The following LIN9 variants were observed in gnomAD, a reference collection of about 807,000 sequenced individuals.
LIN9 encodes the protein lin-9 DREAM MuvB core complex component.
Under a neutral mutation model 78.0 loss-of-function variants are expected in LIN9, and 18 were observed. The observed-to-expected ratio is 0.23, with a 90% CI of 0.16 to 0.34. The LOEUF is 0.34. LIN9 is among the 10% of genes least tolerant of loss of function. The probability of loss-of-function intolerance (pLI) is 1.00; values close to 1 mark genes in which losing one functional copy is unlikely to be tolerated. For missense variants in LIN9, 451 were observed against 644.1 expected (o/e 0.70, Z 3.25); for synonymous variants, 192 against 215.2 (o/e 0.89, Z 0.94).
chr1:226,277,411 GCA>G (rs1660737603), intron 7 of LIN9, among the ~76,000 whole-genome samples: 1 of 152,174 alleles, frequency 6.6e-6, no homozygotes, highest in South Asian at 2.1e-4. Context: ...ATAGTAAATT[GCA>G]CAGAGCTACA....
intron 2 of LIN9, among the ~76,000 whole-genome samples, chr1:226,299,928 T>TC (rs1447715520): frequency 2.7e-5 from 4 of 147,142 alleles, no homozygotes; most frequent in Non-Finnish European, 6.0e-5. Context: ...GCAAGATTCT[T>TC]TTTTTTTTTT....
chr1:226,238,903 A>G (rs559168559), intron 12 of LIN9, 68 bp downstream of exon 12: 7 of 1,500,994 alleles, frequency 4.7e-6, no homozygotes, highest in East Asian at 4.6e-5. Context: ...TGGATTTTCT[A>G]AAGTGTGAAA....
chr1:226,308,957 G>C (rs1184384798), intron 1 of LIN9, 152 bp downstream of exon 1: 9 of 655,472 alleles, frequency 1.4e-5, no homozygotes, highest in African/African-American at 1.9e-5. Context: ...CGACGCGGCG[G>C]CAACACCGGA....
At chr1:226,276,914 T>G (rs888952092) in intron 7 of LIN9, among the ~76,000 whole-genome samples, 2 of 152,148 alleles carry the variant, frequency 1.3e-5, no homozygotes, top group Non-Finnish European at 2.9e-5. Flanking sequence ...TAATTTAGTT[T>G]TATTCAATCA....
chr1:226,238,891 T>G (rs1576274458), intron 12 of LIN9, 80 bp downstream of exon 12: 1 of 1,402,040 alleles, frequency 7.1e-7, no homozygotes, highest in Non-Finnish European at 9.8e-7. Flanking sequence ...ATTGGCTTGG[T>G]ATGGATTTTC....
intron 11 of LIN9, among the ~76,000 whole-genome samples, chr1:226,250,244 A>C (rs1032568377): frequency 6.6e-6 from 1 of 152,148 alleles, no homozygotes; most frequent in Non-Finnish European, 1.5e-5. Flanking sequence ...CTCATTAGAT[A>C]ATAAATTAGG....
At chr1:226,278,896 T>C (rs938919866) in intron 6 of LIN9, among the ~76,000 whole-genome samples, 1 of 137,184 alleles carries the variant, frequency 7.3e-6, no homozygotes, top group Non-Finnish European at 1.5e-5. Flanking sequence ...CCGAGGCGGG[T>C]AGATATCGAG....
At position 226,275,687 on chromosome 1, in the gene LIN9, G is replaced by A. The variant is rs1426645946; in HGVS notation, c.682+2088C>T. On this transcript the variant is annotated intron_variant, in intron 7 of 14. Transcript: ENST00000681046. ...CAGCCTGGCAACAGAGCAAGACTCC[G>A]TCTCAGAAAAAAAAAAAAAAAAAAA... Among the ~76,000 whole-genome samples the A allele has an allele frequency of 7.8e-5, 8 of 102,512 alleles. No homozygotes were observed. In the East Asian group the frequency reaches 1.2e-3, roughly 15 times the overall value. The allele number at this position is 102,512 out of a possible 152,430, so 67.3% of individuals were successfully genotyped here.
At chr1:226,290,560 T>C (rs1661704875) in intron 4 of LIN9, among the ~76,000 whole-genome samples, 1 of 152,066 alleles carries the variant, frequency 6.6e-6, no homozygotes, top group Non-Finnish European at 1.5e-5. Flanking sequence ...CAGGGTGGTC[T>C]TGATCTCCTG....
chr1:226,262,144 T>C (rs1256596654), intron 10 of LIN9, among the ~76,000 whole-genome samples: 1 of 152,050 alleles, frequency 6.6e-6, no homozygotes, highest in Non-Finnish European at 1.5e-5. Flanking sequence ...ATCACAAACA[T>C]AGATGTAAAA....
intron 6 of LIN9, among the ~76,000 whole-genome samples, chr1:226,281,115 A>G (rs1220230453): frequency 6.6e-6 from 1 of 152,232 alleles, no homozygotes; most frequent in Non-Finnish European, 1.5e-5. Flanking sequence ...TGTCATTTGC[A>G]GCAACATAGA....
intron 1 of LIN9, 32 bp downstream of exon 1, chr1:226,309,076 GA>G: frequency 1.5e-6 from 2 of 1,308,950 alleles, no homozygotes; most frequent in East Asian, 2.8e-5. Context: ...CAGCAGGCGG[GA>G]AAAGGGGGGG....
intron 11 of LIN9, among the ~76,000 whole-genome samples, chr1:226,241,360 G>GTA (rs1658098315): frequency 6.6e-6 from 1 of 152,132 alleles, no homozygotes; most frequent in Non-Finnish European, 1.5e-5. Context: ...GGGGAAAAGT[G>GTA]TATACTTTTG....
At chr1:226,272,859 C>T (rs1030902023) in intron 7 of LIN9, among the ~76,000 whole-genome samples, 3 of 152,120 alleles carry the variant, frequency 2.0e-5, no homozygotes, top group Non-Finnish European at 4.4e-5. Context: ...TGTAGGGTCC[C>T]AGAGCTTGGG....
intron 11 of LIN9, among the ~76,000 whole-genome samples, chr1:226,248,953 C>T (rs191499997): frequency 1.3e-5 from 2 of 152,240 alleles, no homozygotes; most frequent in East Asian, 1.9e-4. Flanking sequence ...AACATCAAAA[C>T]GGTCTCTGGG....
intron 1 of LIN9, among the ~76,000 whole-genome samples, chr1:226,308,549 C>T (rs1400917496): frequency 6.6e-6 from 1 of 152,094 alleles, no homozygotes; most frequent in African/African-American, 2.4e-5. Flanking sequence ...GAAACACTTC[C>T]AGGGGTGGAC....
intron 1 of LIN9, among the ~76,000 whole-genome samples, chr1:226,301,594 G>C (rs1662536963): frequency 6.6e-6 from 1 of 152,196 alleles, no homozygotes; most frequent in South Asian, 2.1e-4. Context: ...TAGTAATGGA[G>C]TGGAAAAAAA....
chr1:226,236,154 CTG>C (rs1431241973), intron 12 of LIN9, among the ~76,000 whole-genome samples: 1 of 152,030 alleles, frequency 6.6e-6, no homozygotes, highest in Non-Finnish European at 1.5e-5. Flanking sequence ...CAATGAATAA[CTG>C]TATCCTTTAA....
At chr1:226,270,611 C>T (rs747992719) in intron 7 of LIN9, among the ~76,000 whole-genome samples, 13 of 151,872 alleles carry the variant, frequency 8.6e-5, no homozygotes, top group Non-Finnish European at 1.8e-4. Context: ...CGCTGGAGCT[C>T]AGGAGTTCAA....
Sources: gnomAD v4.1 joint callset for allele counts (sites outside exome capture counted in the v4.1 genomes callset) on GRCh38, gnomAD v4.1.1 for gene constraint, MANE v1.5 for transcripts, NCBI Gene and HGNC (gene_info 2026-07-23, HGNC 2026-07-21) for gene names.